KBTBD6: variants seen among roughly 807,000 people sequenced by gnomAD.
KBTBD6 encodes the protein kelch repeat and BTB domain containing 6.
A neutral mutation model predicts 34.4 loss-of-function variants in KBTBD6; 6 were observed. The ratio of observed to expected loss-of-function variants is 0.17; its 90% CI spans 0.10 to 0.34. The LOEUF is 0.34. KBTBD6 is among the 10% of genes least tolerant of loss of function. The pLI, the probability that KBTBD6 is intolerant of heterozygous loss-of-function variation, is 1.00. For synonymous variants in KBTBD6, 288 were observed against 327.2 expected (o/e 0.88, Z 1.29); for missense variants, 557 against 856.0 (o/e 0.65, Z 4.36).
chr13:41,132,599 A>G lies in KBTBD6; in HGVS notation c.-88T>C. 4 of 1,444,816 alleles carry G rather than the reference A, an allele frequency of 2.8e-6. No individual in the cohort carries two copies. Among genetic ancestry groups the G allele is most frequent in the South Asian group, 2.6e-5 (2 of 77,410 alleles). 89.5% of individuals were successfully genotyped at this position (1,444,816 alleles called of 1,614,324 possible). ...TCAACCTTCCCTCGCTGACGCTAAG[A>G]TAGCAGCGTCTCCGAAGAGACAGCA... On this transcript the variant is annotated 5_prime_UTR_variant, in exon 1 of 1. Coordinates refer to ENST00000379485, the MANE Select transcript of KBTBD6 (RefSeq NM_152903.5).
Position 41,130,298 on chromosome 13 carries a change from G to C in KBTBD6, c.*189C>G. 7.6e-6 allele frequency: 4 copies of C among 527,566 alleles called. No individual in the cohort carries two copies. The highest frequency in any genetic ancestry group is 1.0e-5 in the Non-Finnish European group (3 of 299,790). 32.7% of individuals were successfully genotyped at this position (527,566 alleles called of 1,614,324 possible). On this transcript the variant is annotated 3_prime_UTR_variant, in exon 1 of 1. Coordinates refer to ENST00000379485, the MANE Select transcript of KBTBD6 (RefSeq NM_152903.5). The surrounding 1 kb of genome is among the most constrained non-coding windows in gnomAD (Gnocchi z 4.8). ...CAGAAAATTATTAAAAGGTTGATTT[G>C]AGTGTTAAAATTTGTAACATTAAAT...
rs1251003482 is a variant in KBTBD6 at position 41,132,636 on chromosome 13, T to C, written c.-125A>G. The C allele has an allele frequency of 1.7e-6, 2 of 1,165,078 alleles. No individual in the cohort carries two copies. Among genetic ancestry groups the C allele is most frequent in the Non-Finnish European group, 1.2e-6 (1 of 824,732 alleles). The allele number at this position is 1,165,078 out of a possible 1,614,324, so 72.2% of individuals were successfully genotyped here. On this transcript the variant is annotated 5_prime_UTR_variant, in exon 1 of 1. It removes an upstream start codon present in the reference 5' UTR. Transcript: ENST00000379485. Reference sequence around the variant, plus strand: ...CCGAAGAGACAGCAGCACGAGCCCATTTACTGAATTCAACCCTACCCCGCA... The same window carrying C: ...CCGAAGAGACAGCAGCACGAGCCCACTTACTGAATTCAACCCTACCCCGCA...
rs1281247118 is a variant in KBTBD6 at position 41,132,342 on chromosome 13, T to C, written c.170A>G (p.Tyr57Cys). 2 of 1,614,226 alleles carry C rather than the reference T, an allele frequency of 1.2e-6. No homozygotes were observed. Among genetic ancestry groups the C allele is most frequent in the Admixed American group, 3.3e-5 (2 of 60,028 alleles). ...AALLAQLKSFYDARLLCDVTI... is the reference protein window; with the variant it reads ...AALLAQLKSFCDARLLCDVTI... ...CACATCACACAGCAGCCGCGCATCG[T>C]AGAAGGACTTGAGCTGTGCCAGCAG... Residue 57 changes from tyrosine (Y) to cysteine (C), a missense_variant, in exon 1 of 1, where the codon TAC (tyrosine) becomes TGC (cysteine). Tyr to Cys is a radical substitution (Grantham distance 194). Around this residue, in one of 4 missense-constraint regions of KBTBD6, gnomAD observed 108 missense variants for 209.6 expected, o/e 0.52. Transcript: ENST00000379485.
At position 41,132,346 on chromosome 13, in the gene KBTBD6, A is replaced by C; in HGVS notation, c.166T>G (p.Phe56Val). The C allele has an allele frequency of 1.2e-6, 2 of 1,614,236 alleles. No homozygotes were observed. The highest frequency in any genetic ancestry group is 1.7e-6 in the Non-Finnish European group (2 of 1,180,042). The change falls in exon 1 of 1, where the codon TTC becomes GTC. Residue 56 changes from phenylalanine (F) to valine (V), a missense_variant. This residue lies in a region of KBTBD6 where 108 missense variants were observed against 209.6 expected (regional missense o/e 0.52). Transcript: ENST00000379485. ...TCACACAGCAGCCGCGCATCGTAGA[A>C]GGACTTGAGCTGTGCCAGCAGGGCT... is the stretch of plus-strand genomic sequence containing the variant. ...SAALLAQLKS[F>V]YDARLLCDVT...
At position 41,131,724 on chromosome 13, in the gene KBTBD6, T is replaced by C. The variant is rs1280445874; in HGVS notation, c.788A>G (p.Lys263Arg). The change falls in exon 1 of 1, where the codon AAG becomes AGG. Residue 263 changes from lysine (K) to arginine (R), a missense_variant. By Grantham distance (26) the Lys-to-Arg change is conservative (BLOSUM62 2). Around this residue, in one of 4 missense-constraint regions of KBTBD6, gnomAD observed 100 missense variants for 102.1 expected, o/e 0.98. Coordinates refer to ENST00000379485, the MANE Select transcript of KBTBD6 (RefSeq NM_152903.5). This position sits in a 1 kb window ranked among gnomAD's most constrained non-coding sequence, Gnocchi z 5.8. ...ERGPSAAEVF[K>R]CVRWMHFTEE... ...AGTGAAGTGCATCCAGCGCACGCAC[T>C]TGAAGACTTCTGCAGCACTGGGACC... 3 of 1,614,106 alleles carry C rather than the reference T, an allele frequency of 1.9e-6. No individual in the cohort carries two copies. The highest frequency in any genetic ancestry group is 4.5e-5 in the East Asian group (2 of 44,904).
rs775908689 is a variant in KBTBD6, at chr13:41,132,162, A to G, written c.350T>C (p.Val117Ala). Residue 117 changes from valine (V) to alanine (A), a missense_variant, in exon 1 of 1, where the codon GTG becomes GCG. Coordinates refer to ENST00000379485, the MANE Select transcript of KBTBD6 (RefSeq NM_152903.5). Reference sequence around the variant, plus strand: ...CAACACCTCGAAGGACTCGGCGTCCACATCGTGCATGGTCACGCTGGCCTG... The same window carrying G: ...CAACACCTCGAAGGACTCGGCGTCCGCATCGTGCATGGTCACGCTGGCCTG... ...SQQASVTMHD[V>A]DAESFEVLVD... is the part of the protein sequence containing the mutation. The G allele has an allele frequency of 6.2e-7, 1 of 1,614,248 alleles. No individual in the cohort carries two copies. Among genetic ancestry groups the G allele is most frequent in the Non-Finnish European group, 8.5e-7 (1 of 1,180,048 alleles).
rs2030114634 is a variant in KBTBD6, at chr13:41,132,210, G to A, written c.302C>T (p.Thr101Ile). 1.2e-6 allele frequency: 2 copies of A among 1,614,240 alleles called. No individual in the cohort carries two copies. The highest frequency in any genetic ancestry group is 1.7e-6 in the Non-Finnish European group (2 of 1,180,046). Residue 101 changes from threonine to isoleucine, a missense_variant, in exon 1 of 1, where the codon ACA becomes ATA. By Grantham distance (89) the Thr-to-Ile change is moderately conservative. This residue lies in a region of KBTBD6 where 108 missense variants were observed against 209.6 expected (regional missense o/e 0.52). Coordinates refer to ENST00000379485, the MANE Select transcript of KBTBD6 (RefSeq NM_152903.5). Reference protein sequence around the residue: ...AACPYFKSMFTGGMYESQQAS... With the variant: ...AACPYFKSMFIGGMYESQQAS... ...CTGCTGGCTCTCGTACATGCCACCT[G>A]TGAACATGCTCTTGAAGTAGGGACA...
chr13:41,130,900 T>G lies in KBTBD6; in HGVS notation c.1612A>C (p.Asn538His), dbSNP rs1210839915. 2 of 1,614,072 alleles carry G rather than the reference T, an allele frequency of 1.2e-6. No individual in the cohort carries two copies. The highest frequency in any genetic ancestry group is 2.7e-5 in the African/African-American group (2 of 74,926). ...ICDIPVMKVY[N>H]PVRAEWRQMN... ...TGCCTCCATTCTGCCCTAACTGGGT[T>G]GTAGACCTTCATGACTGGGATATCA... The change falls in exon 1 of 1, where the codon AAC (asparagine) becomes CAC (histidine). Residue 538 changes from asparagine to histidine, a missense_variant. Physicochemically the swap from Asn to His is moderately conservative, Grantham distance 68. Coordinates refer to ENST00000379485, the MANE Select transcript of KBTBD6 (RefSeq NM_152903.5). The surrounding 1 kb of genome is among the most constrained non-coding windows in gnomAD (Gnocchi z 4.8).
rs1195079055 is a variant in KBTBD6 at position 41,128,364 on chromosome 13, T to C, written c.*2123A>G. ...TACATGTATCATGTCAACCATTATA[T>C]ATTAAATCTTCAAGAGGTAAGTACT... On this transcript the variant is annotated 3_prime_UTR_variant, in exon 1 of 1. Transcript: ENST00000379485. The C allele has an allele frequency of 2.7e-6, 1 of 376,820 alleles. No individual in the cohort carries two copies. Among genetic ancestry groups the C allele is most frequent in the Non-Finnish European group, 4.7e-6 (1 of 211,676 alleles). 23.3% of individuals were successfully genotyped at this position (376,820 alleles called of 1,614,324 possible). A position where few individuals can be genotyped will look rare whatever the true frequency, so the allele number is the denominator to read the frequency against.
chr13:41,128,810 G>GGCC lies in KBTBD6; in HGVS notation c.*1674_*1676dup. On this transcript the variant is annotated 3_prime_UTR_variant, in exon 1 of 1. Transcript: ENST00000379485. ...CCCAAGTAACTGGGACTCAGACTTG[G>GGCC]GCCACCATGCCCAGACATATTTTTT... 2 of 301,194 alleles carry GGCC rather than the reference G, an allele frequency of 6.6e-6. No homozygotes were observed. The highest frequency in any genetic ancestry group is 1.2e-5 in the Non-Finnish European group (2 of 163,984). 18.7% of individuals were successfully genotyped at this position (301,194 alleles called of 1,614,324 possible).
Position 41,130,527 on chromosome 13 carries a change from A to G in KBTBD6, c.1985T>C (p.Leu662Pro), listed in dbSNP as rs745388139. 3.7e-6 allele frequency: 6 copies of G among 1,613,986 alleles called. No homozygotes were observed. Among genetic ancestry groups the G allele is most frequent in the Non-Finnish European group, 5.1e-6 (6 of 1,179,990 alleles). The change falls in exon 1 of 1, where the codon CTT (leucine) becomes CCT (proline). Residue 662 changes from leucine (L) to proline (P), a missense_variant. By Grantham distance (98) the Leu-to-Pro change is moderately conservative. Transcript: ENST00000379485. The surrounding 1 kb of genome is among the most constrained non-coding windows in gnomAD (Gnocchi z 4.8). ...PDSESGSSSS[L>P]SDDDFWVRVA... The stretch of plus-strand genomic sequence containing the variant: ...ACGCACCCAAAAATCATCATCAGAA[A>G]GAGAACTTGAACTTCCTGACTCAGA...
In KBTBD6 at chr13:41,131,734, C is replaced by T; in HGVS notation, c.778G>A (p.Glu260Lys). Residue 260 changes from glutamate to lysine, a missense_variant, in exon 1 of 1, where the codon GAA (glutamate) becomes AAA (lysine). This residue lies in a region of KBTBD6 where 100 missense variants were observed against 102.1 expected (regional missense o/e 0.98). Transcript: ENST00000379485. The surrounding 1 kb of genome is among the most constrained non-coding windows in gnomAD (Gnocchi z 5.8). ...ATCCAGCGCACGCACTTGAAGACTTCTGCAGCACTGGGACCCCGCTCTTTG... is the reference window on the plus strand; with the variant it reads ...ATCCAGCGCACGCACTTGAAGACTTTTGCAGCACTGGGACCCCGCTCTTTG... ...APKERGPSAA[E>K]VFKCVRWMHF... The T allele has an allele frequency of 1.2e-6, 2 of 1,614,258 alleles. No homozygotes were observed. Among genetic ancestry groups the T allele is most frequent in the Non-Finnish European group, 1.7e-6 (2 of 1,180,054 alleles).
In KBTBD6 at chr13:41,132,485, G is replaced by C; in HGVS notation, c.27C>G (p.Arg9=). MQSREDAP[R]SRRLASPRGG... is the part of the protein sequence containing the mutation. Reference sequence around the variant, plus strand: ...CACGGGGACTGGCTAGGCGGCGAGAGCGCGGGGCGTCTTCCCGGGACTGCA... The same window carrying C: ...CACGGGGACTGGCTAGGCGGCGAGACCGCGGGGCGTCTTCCCGGGACTGCA... Residue 9 remains arginine, a synonymous_variant, in exon 1 of 1, where the codon CGC becomes CGG. Transcript: ENST00000379485. 1.2e-6 allele frequency: 2 copies of C among 1,614,202 alleles called. No homozygotes were observed. The highest frequency in any genetic ancestry group is 1.7e-5 in the Admixed American group (1 of 60,028).
rs1436346401 is a variant in KBTBD6, at chr13:41,132,370, C to T, written c.142G>A (p.Ala48Thr). 6.2e-7 allele frequency: 1 copy of T among 1,614,240 alleles called. No homozygotes were observed. The highest frequency in any genetic ancestry group is 8.5e-7 in the Non-Finnish European group (1 of 1,180,044). ...EELKDTAHSA[A>T]LLAQLKSFYD... ...AAGGACTTGAGCTGTGCCAGCAGGG[C>T]TGCAGAATGGGCCGTGTCCTTTAAT... Residue 48 changes from alanine (A) to threonine (T), a missense_variant, in exon 1 of 1, where the codon GCC becomes ACC. Coordinates refer to ENST00000379485, the MANE Select transcript of KBTBD6 (RefSeq NM_152903.5).
Position 41,132,344 on chromosome 13 carries a change from G to C in KBTBD6, c.168C>G (p.Phe56Leu), listed in dbSNP as rs1319885892. ...CATCACACAGCAGCCGCGCATCGTA[G>C]AAGGACTTGAGCTGTGCCAGCAGGG... ...SAALLAQLKS[F>L]YDARLLCDVT... Residue 56 changes from phenylalanine (F) to leucine (L), a missense_variant, in exon 1 of 1, where the codon TTC becomes TTG. Physicochemically the swap from Phe to Leu is conservative, Grantham distance 22 (BLOSUM62 0). Coordinates refer to ENST00000379485, the MANE Select transcript of KBTBD6 (RefSeq NM_152903.5). 2.5e-6 allele frequency: 4 copies of C among 1,614,132 alleles called. No individual in the cohort carries two copies. Among genetic ancestry groups the C allele is most frequent in the Non-Finnish European group, 3.4e-6 (4 of 1,180,058 alleles).
At position 41,128,739 on chromosome 13, in the gene KBTBD6, A is replaced by C; in HGVS notation, c.*1748T>G. The C allele has an allele frequency of 2.8e-6, 1 of 356,412 alleles. No homozygotes were observed. The highest frequency in any genetic ancestry group is 5.0e-6 in the Non-Finnish European group (1 of 198,324). 22.1% of individuals were successfully genotyped at this position (356,412 alleles called of 1,614,324 possible). On this transcript the variant is annotated 3_prime_UTR_variant, in exon 1 of 1. Coordinates refer to ENST00000379485, the MANE Select transcript of KBTBD6 (RefSeq NM_152903.5). ...GATTATAGCTGCAGATGATAGCTGC[A>C]GCCCCGAACTCCTAGACTCAAGTGA...
In KBTBD6 at chr13:41,128,240, C is replaced by A. The variant is rs2030027567; in HGVS notation, c.*2247G>T. 3.7e-6 allele frequency: 1 copy of A among 268,180 alleles called. No individual in the cohort carries two copies. The highest frequency in any genetic ancestry group is 7.0e-6 in the Non-Finnish European group (1 of 143,024). 16.6% of individuals were successfully genotyped at this position (268,180 alleles called of 1,614,324 possible). ...GCATTCTGTCACTAGAAAATAAACA[C>A]TGAAGAGGAATTAGCATGTTAATGA... On this transcript the variant is annotated 3_prime_UTR_variant, in exon 1 of 1. Coordinates refer to ENST00000379485, the MANE Select transcript of KBTBD6 (RefSeq NM_152903.5).
rs2030018988 is a variant in KBTBD6 at position 41,127,750 on chromosome 13, CA to C, written c.*2736del. On this transcript the variant is annotated 3_prime_UTR_variant, in exon 1 of 1. Coordinates refer to ENST00000379485, the MANE Select transcript of KBTBD6 (RefSeq NM_152903.5). ...GAATGACGAATTCAAGAATTTCTTT[CA>C]TACATAAATTGCTTTCCTTAGTTCT... is the stretch of plus-strand genomic sequence containing the variant. The C allele has an allele frequency of 6.6e-6, 1 of 152,204 alleles. No homozygotes were observed. Among genetic ancestry groups the C allele is most frequent in the South Asian group, 2.1e-4 (1 of 4,834 alleles). 9.4% of individuals were successfully genotyped at this position (152,204 alleles called of 1,614,324 possible).
Position 41,132,719 on chromosome 13 carries a change from T to A in KBTBD6, c.-208A>T. ...TGACTCACCCTCTCTCACTCCCGCG[T>A]CCTTTCTCCGCGTCTGCTCGCCTTC... is the stretch of plus-strand genomic sequence containing the variant. On this transcript the variant is annotated 5_prime_UTR_variant, in exon 1 of 1. Transcript: ENST00000379485. 1.6e-6 allele frequency: 1 copy of A among 632,818 alleles called. No homozygotes were observed. Among genetic ancestry groups the A allele is most frequent in the Non-Finnish European group, 2.7e-6 (1 of 364,840 alleles). 39.2% of individuals were successfully genotyped at this position (632,818 alleles called of 1,614,324 possible).
Sources: gnomAD v4.1 joint callset for allele counts on GRCh38, gnomAD v4.1.1 for gene constraint, gnomAD v4.1.1 regional missense constraint, Gnocchi (gnomAD v3.1) non-coding constraint, MANE v1.5 for transcripts, NCBI Gene and HGNC (gene_info 2026-07-23, HGNC 2026-07-21) for gene names.